ZNF654: variants seen among roughly 807,000 people sequenced by gnomAD.
ZNF654 encodes the protein zinc finger protein 654.
Under a neutral mutation model 95.3 loss-of-function variants are expected in ZNF654, and 19 were observed. The observed-to-expected ratio is 0.20, with a 90% CI of 0.14 to 0.29. The LOEUF (loss-of-function observed/expected upper bound fraction) is 0.29, where lower values mean the gene tolerates loss of function less well. Among genes scored for constraint, ZNF654 ranks in the 10% least tolerant of loss-of-function variants. The pLI, the probability that ZNF654 is intolerant of heterozygous loss-of-function variation, is 1.00. For synonymous variants in ZNF654, 413 were observed against 457.9 expected, an observed-to-expected ratio of 0.90 and a Z score of 1.25; for missense variants, 1,046 against 1,341.0, an observed-to-expected ratio of 0.78 and a Z score of 3.44.
At chr3:88,064,363 T>C (rs1347856994) in intron 1 of ZNF654, among the ~76,000 whole-genome samples, 1 of 152,218 alleles carries the variant, frequency 6.6e-6, no homozygotes, top group Non-Finnish European at 1.5e-5. Context: ...ATGTACACTT[T>C]GATTATACCC....
intron 1 of ZNF654, among the ~76,000 whole-genome samples, chr3:88,085,875 A>T (rs1487416670): frequency 6.6e-6 from 1 of 152,150 alleles, no homozygotes; most frequent in Non-Finnish European, 1.5e-5. Context: ...AATAATAATG[A>T]TAATAATAAT....
In ZNF654 at chr3:88,139,296, C is replaced by A; in HGVS notation, c.1627C>A (p.Pro543Thr). The change falls in exon 8 of 9, where the codon CCA becomes ACA. Residue 543 changes from proline (P) to threonine (T), a missense_variant. Physicochemically the swap from Pro to Thr is conservative, Grantham distance 38. This residue lies in a region of ZNF654 where 100 missense variants were observed against 108.9 expected (regional missense o/e 0.92). Transcript: ENST00000636215. Reference sequence around the variant, plus strand: ...TACTTCCAAAGTAGATCACAATGTCCCAAGGCATCGTTGTATGTTATGTAA... The same window carrying A: ...TACTTCCAAAGTAGATCACAATGTCACAAGGCATCGTTGTATGTTATGTAA... ...LSTSKVDHNV[P>T]RHRCMLCNKE... is the part of the protein sequence containing the mutation. 1 of 1,577,864 alleles carries A rather than the reference C, an allele frequency of 6.3e-7. No homozygotes were observed.
intron 1 of ZNF654, among the ~76,000 whole-genome samples, chr3:88,063,006 G>C (rs1462751724): frequency 1.3e-5 from 2 of 152,178 alleles, no homozygotes; most frequent in East Asian, 3.8e-4. Context: ...TATTTAATTA[G>C]AAAAGCGGAA....
intron 2 of ZNF654, among the ~76,000 whole-genome samples, chr3:88,091,753 A>G (rs1576252984): frequency 6.6e-6 from 1 of 152,284 alleles, no homozygotes; most frequent in East Asian, 1.9e-4. Flanking sequence ...ATGGTTTTAT[A>G]AAGGGCAGTT....
At chr3:88,101,498 T>C (rs1704425214) in intron 2 of ZNF654, among the ~76,000 whole-genome samples, 1 of 152,190 alleles carries the variant, frequency 6.6e-6, no homozygotes, top group South Asian at 2.1e-4. Context: ...GTTCTTGAGG[T>C]TTACCTATGT....
chr3:88,129,065 A>C (rs1334081373), intron 5 of ZNF654, 54 bp downstream of exon 5: 106 of 1,329,894 alleles, frequency 8.0e-5, no homozygotes, highest in Non-Finnish European at 9.8e-5. Context: ...CCAAAAAAAA[A>C]CCAAAAAAAA....
rs976943266 is a variant in ZNF654 at position 88,142,813 on chromosome 3, CAGTA to C, written c.*1164_*1167del. 3.3e-4 allele frequency: 50 copies of C among 152,244 alleles called. No homozygotes were observed. Among genetic ancestry groups the C allele is most frequent in the Non-Finnish European group, 1.2e-4 (8 of 67,768 alleles). 9.4% of individuals were successfully genotyped at this position (152,244 alleles called of 1,614,324 possible). On this transcript the variant is annotated 3_prime_UTR_variant, in exon 9 of 9. Transcript: ENST00000636215. ...TACACAAAACATTTGCACAAGAACA[CAGTA>C]AGAGATACATTCAAGCATTGTTTTC...
At chr3:88,082,272 G>A (rs192346766) in intron 1 of ZNF654, among the ~76,000 whole-genome samples, 11 of 152,120 alleles carry the variant, frequency 7.2e-5, no homozygotes, top group Admixed American at 1.3e-4. Context: ...GACTACAGGC[G>A]CGTGCCACCA....
intron 1 of ZNF654, among the ~76,000 whole-genome samples, chr3:88,075,626 G>A (rs1192521946): frequency 6.6e-6 from 1 of 152,044 alleles, no homozygotes; most frequent in East Asian, 1.9e-4. Flanking sequence ...TACTTTATTG[G>A]CAGAATAAAC....
At chr3:88,120,878 A>G (rs982813144) in intron 3 of ZNF654, among the ~76,000 whole-genome samples, 3 of 152,082 alleles carry the variant, frequency 2.0e-5, no homozygotes, top group African/African-American at 7.2e-5. Flanking sequence ...TAGTAATTCA[A>G]AGTCTGATTT....
chr3:88,095,199 C>G lies in ZNF654; in HGVS notation c.332+8797C>G, dbSNP rs150921300. 2.5e-4 allele frequency among the ~76,000 whole-genome samples: 38 copies of G among 152,172 alleles called. No homozygotes were observed. In the South Asian group the frequency reaches 3.1e-3, roughly 12 times the overall value. On this transcript the variant is annotated intron_variant, in intron 2 of 8. Transcript: ENST00000636215. ...TGTAGGGAATAATTTTCAATGAATT[C>G]ACTTTTGTTTCCTTTTTTATTTTTT...
intron 1 of ZNF654, among the ~76,000 whole-genome samples, chr3:88,060,815 G>A (rs1324500651): frequency 6.6e-6 from 1 of 151,842 alleles, no homozygotes; most frequent in East Asian, 1.9e-4. Context: ...TGCTTGTAAG[G>A]GAAAGCTTGT....
At chr3:88,141,131 A>G in intron 8 of ZNF654, 83 bp downstream of exon 8, 1 of 1,468,574 alleles carries the variant, frequency 6.8e-7, no homozygotes, top group Non-Finnish European at 9.1e-7. Context: ...TTTGAGATTT[A>G]AAAAATTGAT....
chr3:88,111,443 T>C (rs1450539550), intron 2 of ZNF654, among the ~76,000 whole-genome samples: 3 of 151,868 alleles, frequency 2.0e-5, no homozygotes, highest in Non-Finnish European at 4.4e-5. Context: ...TACACAAAGA[T>C]AATGTAATGA....
intron 6 of ZNF654, among the ~76,000 whole-genome samples, chr3:88,130,524 T>C (rs779880175): frequency 2.0e-5 from 3 of 152,024 alleles, no homozygotes; most frequent in Non-Finnish European, 4.4e-5. Context: ...CGATCATGGC[T>C]CACTGCAGCC....
intron 4 of ZNF654, among the ~76,000 whole-genome samples, chr3:88,127,377 C>T (rs1210585721): frequency 1.3e-5 from 2 of 151,638 alleles, no homozygotes; most frequent in African/African-American, 2.4e-5. Flanking sequence ...GTATACGTGA[C>T]AGTGTTATGA....
At chr3:88,121,617 A>G (rs1436219099) in intron 3 of ZNF654, among the ~76,000 whole-genome samples, 2 of 152,208 alleles carry the variant, frequency 1.3e-5, no homozygotes, top group Non-Finnish European at 2.9e-5. Context: ...TGTAAAGGAA[A>G]AATGCATAAC....
intron 2 of ZNF654, among the ~76,000 whole-genome samples, chr3:88,101,765 G>A (rs1036536627): frequency 6.6e-6 from 1 of 152,100 alleles, no homozygotes; most frequent in Non-Finnish European, 1.5e-5. Flanking sequence ...GTGACTGTAC[G>A]ATTAAAATTC....
intron 2 of ZNF654, among the ~76,000 whole-genome samples, chr3:88,088,082 T>C (rs556028909): frequency 2.0e-5 from 3 of 152,354 alleles, no homozygotes; most frequent in Non-Finnish European, 4.4e-5. Context: ...ACTCAACCTA[T>C]ACTACTTTTT....
Sources: allele counts gnomAD v4.1 joint callset (sites outside exome capture counted in the v4.1 genomes callset), GRCh38; gene constraint gnomAD v4.1.1; regional missense constraint gnomAD v4.1.1; transcripts MANE v1.5; gene names NCBI Gene and HGNC (gene_info 2026-07-23, HGNC 2026-07-21).